The following DOCK1 variants were observed in gnomAD, a reference collection of about 807,000 sequenced individuals.
The protein encoded by DOCK1 is dedicator of cytokinesis 1.
A neutral mutation model predicts 262.7 loss-of-function variants in DOCK1; 138 were observed. The ratio of observed to expected loss-of-function variants is 0.53; its 90% CI spans 0.46 to 0.61. DOCK1 has a LOEUF of 0.61. Among genes scored for constraint, DOCK1 ranks in the 20% least tolerant of loss-of-function variants. The pLI is 0.00. For missense variants in DOCK1, 1,908 were observed against 2,370.7 expected (o/e 0.80, Z 4.05); for synonymous variants, 866 against 867.4 (o/e 1.00, Z 0.03).
At chr10:126,917,980 A>C (rs915695434) in intron 1 of DOCK1, among the ~76,000 whole-genome samples, 2 of 152,124 alleles carry the variant, frequency 1.3e-5, no homozygotes, top group African/African-American at 4.8e-5. Flanking sequence ...CATAGTTAGG[A>C]GCTTGGGCCT....
chr10:127,062,857 G>A (rs1000601038), intron 23 of DOCK1, among the ~76,000 whole-genome samples: 6 of 152,198 alleles, frequency 3.9e-5, no homozygotes, highest in African/African-American at 1.2e-4. Context: ...GCAGAAGAGC[G>A]AGCCTTCCAG....
chr10:127,434,738 C>T (rs1391206475), intron 48 of DOCK1, among the ~76,000 whole-genome samples: 4 of 151,914 alleles, frequency 2.6e-5, no homozygotes, highest in African/African-American at 7.3e-5. Flanking sequence ...CTGCAACCTC[C>T]GCCTCCCAGG....
At chr10:126,999,849 G>A (rs1042279276) in intron 9 of DOCK1, among the ~76,000 whole-genome samples, 3 of 152,002 alleles carry the variant, frequency 2.0e-5, no homozygotes, top group African/African-American at 7.3e-5. Context: ...CTAATTTTTT[G>A]TATTTTTAGT....
intron 3 of DOCK1, among the ~76,000 whole-genome samples, chr10:126,979,276 C>T (rs1318484816): frequency 2.6e-5 from 4 of 152,158 alleles, no homozygotes; most frequent in African/African-American, 9.7e-5. Context: ...GGCCCAGCTA[C>T]TTGAGAGACT....
At chr10:126,912,577 C>T (rs1287747138) in intron 1 of DOCK1, among the ~76,000 whole-genome samples, 25 of 148,608 alleles carry the variant, frequency 1.7e-4, no homozygotes, top group African/African-American at 4.7e-4. Flanking sequence ...ATACAAAAAA[C>T]TAGCCGGGCG....
intron 12 of DOCK1, among the ~76,000 whole-genome samples, chr10:127,015,658 G>A (rs1036561281): frequency 8.5e-5 from 13 of 152,072 alleles, no homozygotes; most frequent in South Asian, 2.1e-4. Context: ...CCAACTCCCC[G>A]TGGTTCTGCT....
At chr10:126,907,550 G>A (rs1027934516) in intron 1 of DOCK1, among the ~76,000 whole-genome samples, 8 of 152,160 alleles carry the variant, frequency 5.3e-5, no homozygotes, top group African/African-American at 1.9e-4. Flanking sequence ...ACAGTGTCCT[G>A]TGCTTGCCTG....
intron 1 of DOCK1, among the ~76,000 whole-genome samples, chr10:126,949,872 G>A (rs1227416341): frequency 1.3e-5 from 2 of 152,054 alleles, no homozygotes; most frequent in African/African-American, 2.4e-5. Context: ...GAGAGGCAAA[G>A]CTCTGTCTGG....
intron 13 of DOCK1, 113 bp downstream of exon 13, chr10:127,018,948 C>A: frequency 6.8e-7 from 1 of 1,465,576 alleles, no homozygotes; most frequent in East Asian, 2.4e-5. Flanking sequence ...GGCTCAGCTC[C>A]TGGTAGGTGA....
chr10:127,200,283 G>C (rs1490504846), intron 27 of DOCK1, among the ~76,000 whole-genome samples: 1 of 152,210 alleles, frequency 6.6e-6, no homozygotes, highest in East Asian at 1.9e-4. Flanking sequence ...ATTCCCAAAA[G>C]TAAGAGGAGG....
At chr10:127,226,027 A>G (rs936558230) in intron 27 of DOCK1, among the ~76,000 whole-genome samples, 2 of 151,634 alleles carry the variant, frequency 1.3e-5, no homozygotes, top group Admixed American at 6.6e-5. Flanking sequence ...GCAGTCAGCC[A>G]AGATCATGCC....
At chr10:127,134,239 GA>G (rs2050507541) in intron 27 of DOCK1, among the ~76,000 whole-genome samples, 1 of 152,150 alleles carries the variant, frequency 6.6e-6, no homozygotes, top group Non-Finnish European at 1.5e-5. Flanking sequence ...GGTTTCCAAG[GA>G]AAACAGTGTT....
At chr10:126,955,244 G>C (rs1006194436) in intron 1 of DOCK1, among the ~76,000 whole-genome samples, 1 of 152,254 alleles carries the variant, frequency 6.6e-6, no homozygotes, top group Non-Finnish European at 1.5e-5. Context: ...TTGTGCCTCA[G>C]CCTCCCAAGT....
At chr10:127,095,847 AC>A (rs2047876696) in intron 23 of DOCK1, among the ~76,000 whole-genome samples, 1 of 152,110 alleles carries the variant, frequency 6.6e-6, no homozygotes, top group Admixed American at 6.5e-5. Context: ...AGGAACTTGA[AC>A]TGGATTCACT....
chr10:127,438,250 G>A (rs1021681738), intron 48 of DOCK1, among the ~76,000 whole-genome samples: 1 of 152,240 alleles, frequency 6.6e-6, no homozygotes, highest in Admixed American at 6.5e-5. Flanking sequence ...TCACAATCAT[G>A]TGTGGATATG....
chr10:127,195,397 C>T (rs2057039864), intron 27 of DOCK1, among the ~76,000 whole-genome samples: 1 of 152,210 alleles, frequency 6.6e-6, no homozygotes, highest in Non-Finnish European at 1.5e-5. Context: ...GACCCCAACC[C>T]GCAGCCCCGG....
intron 1 of DOCK1, among the ~76,000 whole-genome samples, chr10:126,921,419 A>G (rs1411993009): frequency 1.3e-5 from 2 of 152,178 alleles, no homozygotes; most frequent in East Asian, 3.9e-4. Flanking sequence ...AAAACATGCT[A>G]AGGGCAAGAA....
At chr10:126,963,608 CCCTTCCCTTCCCTTCCCTTCCCTTCCCTT>C (rs2037405939) in intron 1 of DOCK1, among the ~76,000 whole-genome samples, 1 of 63,764 alleles carries the variant, frequency 1.6e-5, no homozygotes. Flanking sequence ...CCCTTCCCTT[CCCTTCCCTTCCCTTCCCTTCCCTTCCCTT>C]CCCTCCTTCC....
At chr10:127,216,379 C>T (rs2058213637) in intron 27 of DOCK1, among the ~76,000 whole-genome samples, 1 of 151,626 alleles carries the variant, frequency 6.6e-6, no homozygotes, top group Admixed American at 6.6e-5. Context: ...GATACAGATA[C>T]TTATGGGCAG....
Sources: allele counts gnomAD v4.1 joint callset (sites outside exome capture counted in the v4.1 genomes callset), GRCh38; gene constraint gnomAD v4.1.1; transcripts MANE v1.5; gene names NCBI Gene and HGNC (gene_info 2026-07-23, HGNC 2026-07-21).